Variants in ANK1 observed in about 807,000 individuals in gnomAD.
The protein encoded by ANK1 is ankyrin-1.
ANK1 carries 51 observed loss-of-function variants against 210.4 expected under a neutral mutation model. That is an observed-to-expected ratio of 0.24 (90% CI 0.19 to 0.31). The LOEUF (loss-of-function observed/expected upper bound fraction) is 0.31, where lower values mean the gene tolerates loss of function less well. Among genes scored for constraint, ANK1 ranks in the 10% least tolerant of loss-of-function variants. ANK1 has a pLI of 1.00. For missense variants in ANK1, 2,051 were observed against 2,504.4 expected (o/e 0.82, Z 3.86); for synonymous variants, 967 against 1,025.9 (o/e 0.94, Z 1.10).
At chr8:41,721,656 C>CAAAAAAAAAAAAAAAA (rs55653901) in intron 9 of ANK1, among the ~76,000 whole-genome samples, 5 of 108,124 alleles carry the variant, frequency 4.6e-5, no homozygotes, top group Non-Finnish European at 7.4e-5. Context: ...GACTTCATCT[C>CAAAAAAAAAAAAAAAA]AAAAAAAAAA....
rs188145508 is a variant in ANK1, at chr8:41,684,510, G to A, written c.4537+34C>T. 70 of 1,612,582 alleles carry A rather than the reference G, an allele frequency of 4.3e-5. 1 individual carries two copies. The East Asian group carries it at 6.0e-4, about 14-fold the overall frequency. On this transcript the variant is annotated intron_variant, in intron 37 of 42. Coordinates refer to ENST00000289734, the MANE Select transcript of ANK1 (RefSeq NM_000037.4). Reference sequence around the variant, plus strand: ...GCTGATGCCTGTAGGGCAGGGCTCCGGCTCAGTCCCCATCTGGTCCAGGTG... The same window carrying A: ...GCTGATGCCTGTAGGGCAGGGCTCCAGCTCAGTCCCCATCTGGTCCAGGTG...
intron 42 of ANK1, chr8:41,660,621 C>T (rs193138291): frequency 6.4e-5 from 28 of 438,700 alleles, no homozygotes; most frequent in African/African-American, 4.2e-5. Context: ...CGGCACGGCA[C>T]GGCATGCCCC....
At chr8:41,896,039 C>T (rs1027262172) in intron 1 of ANK1, among the ~76,000 whole-genome samples, 1 of 152,228 alleles carries the variant, frequency 6.6e-6, no homozygotes, top group Non-Finnish European at 1.5e-5. Context: ...AAAGTTGGTC[C>T]TAGAGCAGCG....
chr8:41,713,874 T>G (rs935215558), intron 16 of ANK1, among the ~76,000 whole-genome samples: 7 of 152,196 alleles, frequency 4.6e-5, no homozygotes, highest in Admixed American at 4.6e-4. Context: ...CCAGCTGACG[T>G]GCAACTGCTT....
At chr8:41,798,256 G>GCC (rs1363811075), upstream of ANK1, among the ~76,000 whole-genome samples, 1 of 152,074 alleles carries the variant, frequency 6.6e-6, no homozygotes, top group African/African-American at 2.4e-5. Context: ...GAAGCGCGCT[G>GCC]CCCCCTCTGT....
intron 42 of ANK1, chr8:41,660,587 T>C: frequency 2.2e-6 from 1 of 446,990 alleles, no homozygotes; most frequent in South Asian, 1.7e-5. Flanking sequence ...TCGCACAGCG[T>C]CTTCATGTCC....
chr8:41,686,956 T>C (rs535239422), intron 35 of ANK1, among the ~76,000 whole-genome samples: 1 of 151,980 alleles, frequency 6.6e-6, no homozygotes, highest in Non-Finnish European at 1.5e-5. Flanking sequence ...AACACGCACA[T>C]ACAACACAAA....
intron 1 of ANK1, among the ~76,000 whole-genome samples, chr8:41,846,841 A>T (rs1810154819): frequency 6.6e-6 from 1 of 151,924 alleles, no homozygotes; most frequent in African/African-American, 2.4e-5. Context: ...GGCCCTCCTC[A>T]TTAGGAGCCT....
intron 1 of ANK1, among the ~76,000 whole-genome samples, chr8:41,778,142 A>T (rs1428948768): frequency 6.6e-6 from 1 of 152,244 alleles, no homozygotes; most frequent in Admixed American, 6.5e-5. Flanking sequence ...GTACAATCTC[A>T]GCACCCAGTG....
In ANK1 at chr8:41,797,042, G is replaced by A. The variant is rs1024287737; in HGVS notation, c.27+470C>T. Among the ~76,000 whole-genome samples, 2 of 152,196 alleles carry A rather than the reference G, an allele frequency of 1.3e-5. No homozygotes were observed. Among genetic ancestry groups the A allele is most frequent in the African/African-American group, 4.8e-5 (2 of 41,450 alleles). ...TGACCATGAGACCACCGGCCTCCGT[G>A]AGTCTTTGAGAAAACAAGCCAAAGT... On this transcript the variant is annotated intron_variant, in intron 1 of 42. Transcript: ENST00000289734. The surrounding 1 kb of genome is among the most constrained non-coding windows in gnomAD (Gnocchi z 4.0).
chr8:41,776,815 T>A (rs1346068586), intron 1 of ANK1, among the ~76,000 whole-genome samples: 13 of 152,262 alleles, frequency 8.5e-5, no homozygotes, highest in Non-Finnish European at 1.8e-4. Context: ...TCCTCCAAGA[T>A]GCACTTAAGC....
At chr8:41,721,656 CAAAAAAA>C (rs55653901) in intron 9 of ANK1, among the ~76,000 whole-genome samples, 1 of 108,128 alleles carries the variant, frequency 9.2e-6, no homozygotes, top group Non-Finnish European at 1.9e-5. Flanking sequence ...GACTTCATCT[CAAAAAAA>C]AAAAAAAAAA....
At chr8:41,802,999 A>AAGAAAGAG (rs1554630774) in intron 1 of ANK1, among the ~76,000 whole-genome samples, 1 of 49,122 alleles carries the variant, frequency 2.0e-5, no homozygotes, top group Non-Finnish European at 3.7e-5. Context: ...GAAAGAGAGA[A>AAGAAAGAG]AGAAAGAAAG....
At chr8:41,850,034 A>G (rs1238535189) in intron 1 of ANK1, among the ~76,000 whole-genome samples, 2 of 151,874 alleles carry the variant, frequency 1.3e-5, no homozygotes, top group African/African-American at 2.4e-5. Flanking sequence ...GCCTCCCCAC[A>G]GCCCTGCGAC....
chr8:41,787,805 G>T (rs759844180), intron 1 of ANK1, among the ~76,000 whole-genome samples: 6 of 151,952 alleles, frequency 3.9e-5, no homozygotes, highest in Non-Finnish European at 8.8e-5. Flanking sequence ...GTAAGACCCT[G>T]TCTCAAAAGG....
chr8:41,715,944 G>C lies in ANK1; in HGVS notation c.1405-95C>G, dbSNP rs532943599. On this transcript the variant is annotated intron_variant, in intron 13 of 42. Coordinates refer to ENST00000289734, the MANE Select transcript of ANK1 (RefSeq NM_000037.4). ...AGAAGCAAGGCAGGGCCCAGAGAGG[G>C]CAAGTGACCTTCTCAAGGTCACACA... 16 of 1,429,658 alleles carry C rather than the reference G, an allele frequency of 1.1e-5. 1 individual carries two copies. Among genetic ancestry groups the C allele is most frequent in the Non-Finnish European group, 3.9e-6 (4 of 1,031,170 alleles). The allele number at this position is 1,429,658 out of a possible 1,614,324, so 88.6% of individuals were successfully genotyped here.
intron 1 of ANK1, among the ~76,000 whole-genome samples, chr8:41,820,363 G>C (rs1804044656): frequency 1.2e-5 from 1 of 83,960 alleles, no homozygotes; most frequent in Non-Finnish European, 2.8e-5. Flanking sequence ...GTGTGTGTGT[G>C]TGTGTGTGTG....
intron 1 of ANK1, among the ~76,000 whole-genome samples, chr8:41,818,031 A>T (rs1316096205): frequency 1.3e-5 from 2 of 152,258 alleles, no homozygotes; most frequent in Non-Finnish European, 2.9e-5. Flanking sequence ...CCACCTGCAC[A>T]TACAGGCCCA....
chr8:41,745,204 G>A (rs1356553923), intron 2 of ANK1, among the ~76,000 whole-genome samples: 3 of 152,136 alleles, frequency 2.0e-5, no homozygotes, highest in African/African-American at 7.2e-5. Context: ...CACAGAGAGA[G>A]GGAGAAATTG....
Sources: allele counts gnomAD v4.1 joint callset (sites outside exome capture counted in the v4.1 genomes callset), GRCh38; gene constraint gnomAD v4.1.1; non-coding constraint Gnocchi (gnomAD v3.1); transcripts MANE v1.5; gene names NCBI Gene and HGNC (gene_info 2026-07-23, HGNC 2026-07-21).